Variants in NRXN3 observed in about 807,000 individuals in gnomAD.
The protein encoded by NRXN3 is neurexin III.
In NRXN3, 32 loss-of-function variants were observed where a neutral mutation model predicts 137.6. The observed-to-expected ratio is 0.23, with a 90% CI of 0.18 to 0.31. The LOEUF is 0.31. NRXN3 is among the 10% of genes least tolerant of loss of function. NRXN3 has a pLI of 1.00. For missense variants in NRXN3, 1,574 were observed against 2,062.5 expected (o/e 0.76, Z 4.59); for synonymous variants, 798 against 784.5 (o/e 1.02, Z -0.29).
chr14:78,877,339 T>TTCCA (rs2099116273), intron 10 of NRXN3, among the ~76,000 whole-genome samples: 3 of 152,144 alleles, frequency 2.0e-5, no homozygotes, highest in Admixed American at 1.3e-4. Context: ...AAGGTCCCCA[T>TTCCA]TCCATGCCTT....
intron 8 of NRXN3, among the ~76,000 whole-genome samples, chr14:78,758,333 A>C (rs2098678029): frequency 6.6e-6 from 1 of 152,182 alleles, no homozygotes; most frequent in South Asian, 2.1e-4. Flanking sequence ...CTGTGCTCTA[A>C]AAATGTAAGA....
chr14:79,551,948 A>G (rs1003509519), intron 16 of NRXN3, among the ~76,000 whole-genome samples: 7 of 152,140 alleles, frequency 4.6e-5, no homozygotes, highest in Middle Eastern at 3.2e-3. Context: ...CCAGGTTTCC[A>G]CTGCTTTTCG....
chr14:78,667,229 T>C (rs2097894669), intron 6 of NRXN3, among the ~76,000 whole-genome samples: 1 of 152,200 alleles, frequency 6.6e-6, no homozygotes. Context: ...TTACTACCTA[T>C]GTGCCTTGGA....
chr14:78,462,912 T>C (rs983012084), intron 4 of NRXN3, among the ~76,000 whole-genome samples: 1 of 152,196 alleles, frequency 6.6e-6, no homozygotes, highest in Non-Finnish European at 1.5e-5. Context: ...GTATATTACA[T>C]AGTAGTGAGG....
At chr14:79,029,330 T>G (rs1296890231) in intron 15 of NRXN3, among the ~76,000 whole-genome samples, 2 of 152,124 alleles carry the variant, frequency 1.3e-5, no homozygotes, top group Admixed American at 1.3e-4. Context: ...TGGTTCTGAT[T>G]AAATAAAGCA....
chr14:78,895,344 T>C (rs1249065524), intron 10 of NRXN3, among the ~76,000 whole-genome samples: 3 of 151,902 alleles, frequency 2.0e-5, no homozygotes, highest in Non-Finnish European at 4.4e-5. Context: ...AGATGATTTC[T>C]CTCCTTAAAC....
At chr14:79,842,513 A>C (rs759149610) in intron 20 of NRXN3, among the ~76,000 whole-genome samples, 1 of 152,184 alleles carries the variant, frequency 6.6e-6, no homozygotes, top group Non-Finnish European at 1.5e-5. Flanking sequence ...GGCAGGTCAC[A>C]GTGGACTTTC....
intron 15 of NRXN3, among the ~76,000 whole-genome samples, chr14:79,183,453 T>G (rs745472100): frequency 6.6e-6 from 1 of 152,238 alleles, no homozygotes; most frequent in Non-Finnish European, 1.5e-5. Context: ...GACCAAGTCC[T>G]CTGAGAACCC....
intron 8 of NRXN3, among the ~76,000 whole-genome samples, chr14:78,716,773 G>T (rs1436636726): frequency 6.6e-6 from 1 of 152,162 alleles, no homozygotes; most frequent in Non-Finnish European, 1.5e-5. Flanking sequence ...TTTACAGTCA[G>T]ATCAGAAATA....
intron 8 of NRXN3, among the ~76,000 whole-genome samples, chr14:78,738,120 T>G (rs2098549010): frequency 6.6e-6 from 1 of 152,174 alleles, no homozygotes; most frequent in East Asian, 1.9e-4. Context: ...TACAACACAC[T>G]CCACCAACTA....
At chr14:79,085,951 A>T (rs780670142) in intron 15 of NRXN3, among the ~76,000 whole-genome samples, 42 of 152,174 alleles carry the variant, frequency 2.8e-4, no homozygotes, top group Non-Finnish European at 5.0e-4. Flanking sequence ...AGATCAGCAA[A>T]AAAGTTCATG....
At chr14:79,622,447 A>G (rs1319414503) in intron 16 of NRXN3, among the ~76,000 whole-genome samples, 1 of 152,162 alleles carries the variant, frequency 6.6e-6, no homozygotes, top group Non-Finnish European at 1.5e-5. Context: ...CTTTTCATTC[A>G]TGGAACGTAG....
At chr14:79,644,858 G>A (rs1221612994) in intron 16 of NRXN3, among the ~76,000 whole-genome samples, 1 of 135,688 alleles carries the variant, frequency 7.4e-6, no homozygotes, top group East Asian at 2.0e-4. Context: ...GAAGTATGTA[G>A]GCTAGGTGGT....
In NRXN3 at chr14:79,846,146, G is replaced by C. The variant is rs531957609; in HGVS notation, c.4094-15196G>C. On this transcript the variant is annotated intron_variant, in intron 20 of 20. Coordinates refer to ENST00000335750, the MANE Select transcript of NRXN3 (RefSeq NM_001330195.2). ...CCAAAATGTAACACAGAGTTGCAAAGTGAGCACAGGCAGGTAGAAAAATGG... is the reference window on the plus strand; with the variant it reads ...CCAAAATGTAACACAGAGTTGCAAACTGAGCACAGGCAGGTAGAAAAATGG... Among the ~76,000 whole-genome samples, 26 of 152,324 alleles carry C rather than the reference G, an allele frequency of 1.7e-4. 1 individual carries two copies. In the Middle Eastern group the frequency reaches 0.01, roughly 60 times the overall value.
chr14:78,742,896 C>A, intron 8 of NRXN3, among the ~76,000 whole-genome samples: 1 of 152,102 alleles, frequency 6.6e-6, no homozygotes, highest in Admixed American at 6.5e-5. Flanking sequence ...AAATAAACAG[C>A]TTAGTTAAAT....
At chr14:79,250,232 T>TG (rs1277521278) in intron 15 of NRXN3, among the ~76,000 whole-genome samples, 1 of 152,106 alleles carries the variant, frequency 6.6e-6, no homozygotes, top group Non-Finnish European at 1.5e-5. Context: ...AATGAGTGAA[T>TG]GAGGTAATAT....
At chr14:78,560,345 T>C (rs1202446768) in intron 4 of NRXN3, among the ~76,000 whole-genome samples, 1 of 152,106 alleles carries the variant, frequency 6.6e-6, no homozygotes, top group Non-Finnish European at 1.5e-5. Flanking sequence ...AATCTTCTGG[T>C]TGGGATTGGG....
intron 8 of NRXN3, among the ~76,000 whole-genome samples, chr14:78,730,913 G>A (rs541014802): frequency 6.6e-6 from 1 of 152,164 alleles, no homozygotes; most frequent in East Asian, 1.9e-4. Context: ...TGATGGTGGT[G>A]GCGTGATGGT....
At chr14:78,180,473 TG>T (rs2059713023) in intron 1 of NRXN3, among the ~76,000 whole-genome samples, 1 of 152,238 alleles carries the variant, frequency 6.6e-6, no homozygotes, top group South Asian at 2.1e-4. Context: ...GAGGATTCAG[TG>T]AATAAGTGTT....
Sources: gnomAD v4.1 joint callset for allele counts (sites outside exome capture counted in the v4.1 genomes callset) on GRCh38, gnomAD v4.1.1 for gene constraint, MANE v1.5 for transcripts, NCBI Gene and HGNC (gene_info 2026-07-23, HGNC 2026-07-21) for gene names.